The following KCNMB2 variants were observed in gnomAD, a reference collection of about 807,000 sequenced individuals.
KCNMB2 encodes the protein calcium-activated potassium channel subunit beta-2.
A neutral mutation model predicts 24.5 loss-of-function variants in KCNMB2; 9 were observed. The ratio of observed to expected loss-of-function variants is 0.37; its 90% confidence interval spans 0.22 to 0.64. The LOEUF is 0.64. Among genes scored for constraint, KCNMB2 ranks in the 30% least tolerant of loss-of-function variants. The pLI is 0.63. For missense variants in KCNMB2, 226 were observed against 284.3 expected (o/e 0.79, Z 1.47); for synonymous variants, 109 against 104.4 (o/e 1.04, Z -0.27).
At chr3:178,641,701 T>C (rs566556145) in intron 1 of KCNMB2, among the ~76,000 whole-genome samples, 2 of 152,246 alleles carry the variant, frequency 1.3e-5, no homozygotes, top group African/African-American at 2.4e-5. Context: ...TTTGGTACAA[T>C]GTTGAACAGA....
At chr3:178,722,386 G>C (rs111559954) in intron 1 of KCNMB2, among the ~76,000 whole-genome samples, 2,145 of 152,300 alleles carry the variant, frequency 0.014, 55 homozygotes, top group African/African-American at 0.049. Context: ...AGGCTGTGAA[G>C]TTCAATATCA....
chr3:178,766,359 A>T (rs919626307), intron 1 of KCNMB2, among the ~76,000 whole-genome samples: 9 of 151,806 alleles, frequency 5.9e-5, no homozygotes, highest in Non-Finnish European at 7.4e-5. Context: ...ACACCTGGTT[A>T]TTTTTTTATT....
chr3:178,786,798 C>T (rs1424296339), intron 1 of KCNMB2, among the ~76,000 whole-genome samples: 1 of 146,218 alleles, frequency 6.8e-6, no homozygotes, highest in African/African-American at 2.5e-5. Flanking sequence ...ATATGACTCA[C>T]CTAAAGCCAA....
chr3:178,768,963 AAG>A (rs1712236706), intron 1 of KCNMB2, among the ~76,000 whole-genome samples: 1 of 147,376 alleles, frequency 6.8e-6, no homozygotes, highest in Non-Finnish European at 1.5e-5. Context: ...CACGGTGAAG[AAG>A]TGATAGCAAT....
At chr3:178,682,930 T>C (rs1472187934) in intron 1 of KCNMB2, among the ~76,000 whole-genome samples, 1 of 152,200 alleles carries the variant, frequency 6.6e-6, no homozygotes, top group African/African-American at 2.4e-5. Flanking sequence ...GGTGGGAATG[T>C]AAATTTGTTC....
chr3:178,655,089 G>GCGCT (rs1553828482), intron 1 of KCNMB2, among the ~76,000 whole-genome samples: 1 of 77,896 alleles, frequency 1.3e-5, no homozygotes, highest in African/African-American at 5.0e-5. Context: ...GTAAATATTA[G>GCGCT]CTCTCCCTCT....
chr3:178,581,559 C>G (rs532217991), intron 1 of KCNMB2, among the ~76,000 whole-genome samples: 6 of 152,286 alleles, frequency 3.9e-5, no homozygotes, highest in African/African-American at 1.4e-4. Flanking sequence ...GCAAAAGAAA[C>G]TATCATCAGA....
intron 1 of KCNMB2, among the ~76,000 whole-genome samples, chr3:178,723,336 T>A (rs1036487224): frequency 2.6e-5 from 4 of 152,150 alleles, no homozygotes; most frequent in Admixed American, 6.6e-5. Flanking sequence ...CTATATTGAG[T>A]CTTATAATTC....
At chr3:178,769,362 G>C (rs1712250046) in intron 1 of KCNMB2, among the ~76,000 whole-genome samples, 1 of 152,134 alleles carries the variant, frequency 6.6e-6, no homozygotes, top group Admixed American at 6.6e-5. Flanking sequence ...CCAGGACAGG[G>C]TAAAATGGGA....
chr3:178,680,383 C>T (rs768675463), intron 1 of KCNMB2, among the ~76,000 whole-genome samples: 4 of 152,186 alleles, frequency 2.6e-5, no homozygotes, highest in Non-Finnish European at 4.4e-5. Flanking sequence ...ACAACACCTA[C>T]CTGTGCTATC....
intron 1 of KCNMB2, among the ~76,000 whole-genome samples, chr3:178,612,989 T>C (rs1346591280): frequency 6.6e-6 from 1 of 152,230 alleles, no homozygotes; most frequent in Non-Finnish European, 1.5e-5. Flanking sequence ...AATAACTTAA[T>C]ACTGTTTGCA....
intron 4 of KCNMB2, among the ~76,000 whole-genome samples, chr3:178,834,644 TA>T (rs549335249): frequency 6.0e-5 from 9 of 150,680 alleles, no homozygotes; most frequent in African/African-American, 1.2e-4. Flanking sequence ...TGAAAGGGGC[TA>T]AAAAAAAAGT....
intron 1 of KCNMB2, among the ~76,000 whole-genome samples, chr3:178,593,859 T>C (rs1197809356): frequency 1.3e-5 from 2 of 149,884 alleles, no homozygotes; most frequent in Admixed American, 1.3e-4. Flanking sequence ...GGCTACTCTT[T>C]ACCTATTGTA....
intron 1 of KCNMB2, among the ~76,000 whole-genome samples, chr3:178,788,981 G>T (rs1225733024): frequency 6.6e-6 from 1 of 152,136 alleles, no homozygotes; most frequent in Non-Finnish European, 1.5e-5. Flanking sequence ...ATGCTGAATT[G>T]ATTAAAAAGA....
intron 1 of KCNMB2, among the ~76,000 whole-genome samples, chr3:178,564,445 A>G (rs374962550): frequency 8.5e-5 from 13 of 152,320 alleles, no homozygotes; most frequent in Middle Eastern, 3.4e-3. Flanking sequence ...ACTTAATCCA[A>G]CTGGAAAAAT....
At chr3:178,559,700 G>A (rs1218238298) in intron 1 of KCNMB2, among the ~76,000 whole-genome samples, 1 of 146,714 alleles carries the variant, frequency 6.8e-6, no homozygotes, top group Non-Finnish European at 1.5e-5. Flanking sequence ...AGTATTTTTA[G>A]TGATGAGGAA....
chr3:178,782,124 C>T (rs1230684379), intron 1 of KCNMB2, among the ~76,000 whole-genome samples: 5 of 117,044 alleles, frequency 4.3e-5, no homozygotes, highest in African/African-American at 1.6e-4. Context: ...GTGAACTCAT[C>T]ATTTTTTATG....
intron 1 of KCNMB2, among the ~76,000 whole-genome samples, chr3:178,784,035 T>C (rs1712992210): frequency 6.6e-6 from 1 of 152,176 alleles, no homozygotes. Context: ...TTTTAATGAA[T>C]GCTTCTTAAC....
intron 1 of KCNMB2, among the ~76,000 whole-genome samples, chr3:178,719,320 T>C (rs1223134347): frequency 1.3e-5 from 2 of 152,210 alleles, no homozygotes; most frequent in East Asian, 1.9e-4. Context: ...TCTTTGAACA[T>C]TCCTGGGGAT....
Sources: allele counts gnomAD v4.1 joint callset (sites outside exome capture counted in the v4.1 genomes callset), GRCh38; gene constraint gnomAD v4.1.1; transcripts MANE v1.5; gene names NCBI Gene and HGNC (gene_info 2026-07-23, HGNC 2026-07-21).